The following GLI3 variants were observed in gnomAD, a reference collection of about 807,000 sequenced individuals.
GLI3 encodes transcription activator GLI3.
A neutral mutation model predicts 100.8 loss-of-function variants in GLI3; 20 were observed. The ratio of observed to expected loss-of-function variants is 0.20; its 90% CI spans 0.14 to 0.29. The LOEUF is 0.29. Among genes scored for constraint, GLI3 ranks in the 10% least tolerant of loss-of-function variants. The pLI is 1.00. For missense variants in GLI3, 2,040 were observed against 2,128.5 expected, an observed-to-expected ratio of 0.96 and a Z score of 0.82; for synonymous variants, 938 against 860.5, an observed-to-expected ratio of 1.09 and a Z score of -1.58.
At chr7:42,085,177 A>G (rs1391704239) in intron 3 of GLI3, among the ~76,000 whole-genome samples, 1 of 151,748 alleles carries the variant, frequency 6.6e-6, no homozygotes, top group Non-Finnish European at 1.5e-5. Context: ...TTCCATAAAA[A>G]CTGTTTGGTT....
rs1486392195 is a variant in GLI3, at chr7:42,023,054, A to G, written c.1497+414T>C. Reference sequence around the variant, plus strand: ...AGAACGGGAGCTTCCTTAGGCTTTGAGAGTTTGGGAGAGGAAAAAAGAAAT... The same window carrying G: ...AGAACGGGAGCTTCCTTAGGCTTTGGGAGTTTGGGAGAGGAAAAAAGAAAT... On this transcript the variant is annotated intron_variant, in intron 10 of 14. Coordinates refer to ENST00000395925, the MANE Select transcript of GLI3 (RefSeq NM_000168.6). Among the ~76,000 whole-genome samples the G allele has an allele frequency of 2.6e-5, 4 of 152,292 alleles. No homozygotes were observed. In the South Asian group the frequency reaches 8.3e-4, roughly 32 times the overall value.
At chr7:42,108,128 G>T (rs1310549402) in intron 3 of GLI3, among the ~76,000 whole-genome samples, 4 of 152,178 alleles carry the variant, frequency 2.6e-5, no homozygotes, top group Admixed American at 6.5e-5. Flanking sequence ...ATATCCAGAT[G>T]AAAAGTGAAA....
intron 7 of GLI3, among the ~76,000 whole-genome samples, chr7:42,034,960 A>G (rs900545307): frequency 3.3e-5 from 5 of 152,170 alleles, no homozygotes; most frequent in Admixed American, 3.3e-4. Flanking sequence ...CGACTAGCAC[A>G]GAGTTAAGCT....
chr7:41,983,120 C>T (rs1217122040), intron 10 of GLI3, among the ~76,000 whole-genome samples: 1 of 152,170 alleles, frequency 6.6e-6, no homozygotes, highest in Non-Finnish European at 1.5e-5. Context: ...TGCACAGAAA[C>T]AAGCAGCTGG....
chr7:42,193,765 A>AT, intron 2 of GLI3, among the ~76,000 whole-genome samples: 1 of 152,076 alleles, frequency 6.6e-6, no homozygotes, highest in Non-Finnish European at 1.5e-5. Context: ...TCTTATTTTT[A>AT]TTTCTTTAAA....
intron 10 of GLI3, among the ~76,000 whole-genome samples, chr7:41,988,891 G>C (rs1430690572): frequency 6.6e-6 from 1 of 152,144 alleles, no homozygotes; most frequent in African/African-American, 2.4e-5. Context: ...TTACCATCCA[G>C]TAAGTTGCCT....
At chr7:42,067,765 A>G (rs899636713) in intron 4 of GLI3, among the ~76,000 whole-genome samples, 4 of 152,048 alleles carry the variant, frequency 2.6e-5, no homozygotes, top group Non-Finnish European at 5.9e-5. Context: ...TGTATGGGGG[A>G]ACCTTAAAAA....
intron 2 of GLI3, among the ~76,000 whole-genome samples, chr7:42,217,820 T>A (rs1380452816): frequency 6.6e-6 from 1 of 152,218 alleles, no homozygotes; most frequent in Non-Finnish European, 1.5e-5. Context: ...ACGTGTATGT[T>A]CAAGAAAACA....
At chr7:42,188,846 G>C (rs1201886600) in intron 2 of GLI3, among the ~76,000 whole-genome samples, 1 of 152,168 alleles carries the variant, frequency 6.6e-6, no homozygotes. Context: ...TGAAGAAAGG[G>C]AAGAACTGGT....
rs138416748 is a variant in GLI3, at chr7:41,967,618, C to G, written c.2409G>C (p.Ala803=). 12 of 1,613,350 alleles carry G rather than the reference C, an allele frequency of 7.4e-6. No homozygotes were observed. The East Asian group carries it at 1.6e-4, about 21-fold the overall frequency. The change falls in exon 14 of 15, where the codon GCG becomes GCC. Residue 803 remains alanine (A), a synonymous_variant. Transcript: ENST00000395925. ...CACCATTTCCTATGAGAGGAGAGACCGCAGGGGCTTTAGGGGGTAGAATGG... is the reference window on the plus strand; with the variant it reads ...CACCATTTCCTATGAGAGGAGAGACGGCAGGGGCTTTAGGGGGTAGAATGG... ...LNPILPPKAP[A]VSPLIGNGTQ...
intron 2 of GLI3, among the ~76,000 whole-genome samples, chr7:42,221,178 T>A (rs1788479183): frequency 6.6e-6 from 1 of 152,114 alleles, no homozygotes; most frequent in Admixed American, 6.5e-5. Context: ...TTAGTTCTGT[T>A]CCCAATCACC....
At chr7:42,232,481 T>C (rs1421468431) in intron 1 of GLI3, among the ~76,000 whole-genome samples, 2 of 152,078 alleles carry the variant, frequency 1.3e-5, no homozygotes, top group African/African-American at 4.8e-5. Context: ...TGATGACTAA[T>C]GGCTGGGCCC....
In GLI3 at chr7:41,987,099, CAG is replaced by C. The variant is rs1554308381; in HGVS notation, c.1498-8353_1498-8352del. Among the ~76,000 whole-genome samples, 128 of 79,118 alleles carry C rather than the reference CAG, an allele frequency of 1.6e-3. 1 individual carries two copies. The highest frequency in any genetic ancestry group is 5.2e-3 in the African/African-American group (122 of 23,252). 51.9% of individuals were successfully genotyped at this position (79,118 alleles called of 152,430 possible). ...GCTACAACATACACAGACACAGACA[CAG>C]ACACACACACACACACACACACACA... On this transcript the variant is annotated intron_variant, in intron 10 of 14. Coordinates refer to ENST00000395925, the MANE Select transcript of GLI3 (RefSeq NM_000168.6).
intron 4 of GLI3, among the ~76,000 whole-genome samples, chr7:42,076,282 A>G (rs562639411): frequency 6.6e-6 from 1 of 152,318 alleles, no homozygotes; most frequent in East Asian, 1.9e-4. Context: ...TGTTTGGCTG[A>G]CATTCCCATC....
At chr7:42,195,877 C>T (rs1394026032) in intron 2 of GLI3, among the ~76,000 whole-genome samples, 2 of 152,146 alleles carry the variant, frequency 1.3e-5, no homozygotes, top group Non-Finnish European at 2.9e-5. Flanking sequence ...GATAGAAGGG[C>T]CAAATGAGCA....
At chr7:41,986,696 T>C (rs1177931348) in intron 10 of GLI3, among the ~76,000 whole-genome samples, 2 of 151,968 alleles carry the variant, frequency 1.3e-5, no homozygotes, top group Admixed American at 1.3e-4. Flanking sequence ...CAAAAGGGTA[T>C]GGGGTTTCTT....
At chr7:42,123,580 C>T (rs970212083) in intron 3 of GLI3, among the ~76,000 whole-genome samples, 3 of 152,172 alleles carry the variant, frequency 2.0e-5, no homozygotes, top group African/African-American at 4.8e-5. Flanking sequence ...AATAAAAATT[C>T]TCCATAGCAT....
intron 2 of GLI3, among the ~76,000 whole-genome samples, chr7:42,182,665 TATATATATATATATATAC>T (rs770513306): frequency 3.5e-3 from 253 of 72,476 alleles, no homozygotes; most frequent in Admixed American, 6.3e-3. Flanking sequence ...TATATATATA[TATATATATATATATATAC>T]ACATGTGTGT....
intron 1 of GLI3, among the ~76,000 whole-genome samples, chr7:42,249,078 CA>C (rs952922565): frequency 7.9e-5 from 12 of 152,068 alleles, no homozygotes; most frequent in African/African-American, 2.9e-4. Flanking sequence ...TTTTAAGGGA[CA>C]AAAAAATTCC....
Sources: gnomAD v4.1 joint callset for allele counts (sites outside exome capture counted in the v4.1 genomes callset) on GRCh38, gnomAD v4.1.1 for gene constraint, MANE v1.5 for transcripts, NCBI Gene and HGNC (gene_info 2026-07-23, HGNC 2026-07-21) for gene names.